SLC35F1: variants seen among roughly 807,000 people sequenced by gnomAD.
The protein encoded by SLC35F1 is solute carrier family 35 member F1.
In SLC35F1, 14 loss-of-function variants were observed where a neutral mutation model predicts 48.7. That is an observed-to-expected ratio of 0.29 (90% CI 0.19 to 0.45). The LOEUF (loss-of-function observed/expected upper bound fraction) is 0.45. Ranked by LOEUF, SLC35F1 falls within the 20% of genes least tolerant of loss-of-function variation. The probability of loss-of-function intolerance (pLI) is 1.00; values close to 1 mark genes in which losing one functional copy is unlikely to be tolerated. For missense variants in SLC35F1, 404 were observed against 500.0 expected, an observed-to-expected ratio of 0.81 and a Z score of 1.83; for synonymous variants, 190 against 202.2, an observed-to-expected ratio of 0.94 and a Z score of 0.51.
intron 1 of SLC35F1, among the ~76,000 whole-genome samples, chr6:117,926,761 A>G (rs1472461831): frequency 6.6e-6 from 1 of 152,106 alleles, no homozygotes; most frequent in Non-Finnish European, 1.5e-5. Flanking sequence ...TTTTGTCTTA[A>G]GAGCACTAAG....
chr6:118,314,303 C>A lies in SLC35F1; in HGVS notation c.*51C>A. The A allele has an allele frequency of 6.5e-7, 1 of 1,526,766 alleles. No homozygotes were observed. The highest frequency in any genetic ancestry group is 9.1e-7 in the Non-Finnish European group (1 of 1,102,900). The allele number at this position is 1,526,766 out of a possible 1,614,324, so 94.6% of individuals were successfully genotyped here. On this transcript the variant is annotated 3_prime_UTR_variant, in exon 8 of 8. Coordinates refer to ENST00000360388, the MANE Select transcript of SLC35F1 (RefSeq NM_001029858.4). ...GCCAACTCATTGGCCATGTTTTTGC[C>A]CATCATCTCTGTATTGTACATAGAG...
Position 117,923,785 on chromosome 6 carries a change from A to G in SLC35F1, c.173+15886A>G, listed in dbSNP as rs1260878118. Among the ~76,000 whole-genome samples, 2 of 78,920 alleles carry G rather than the reference A, an allele frequency of 2.5e-5. 1 individual carries two copies. The highest frequency in any genetic ancestry group is 2.2e-4 in the Admixed American group (2 of 9,112). The allele number at this position is 78,920 out of a possible 152,430, so 51.8% of individuals were successfully genotyped here. A position where few individuals can be genotyped will look rare whatever the true frequency, so the allele number is the denominator to read the frequency against. ...TATGCACATACATATGTATATATAC[A>G]TATATGTACATATATACATATACAC... is the stretch of plus-strand genomic sequence containing the variant. On this transcript the variant is annotated intron_variant, in intron 1 of 7. Transcript: ENST00000360388.
chr6:117,924,927 CAGA>C (rs1186428115), intron 1 of SLC35F1, among the ~76,000 whole-genome samples: 9 of 152,040 alleles, frequency 5.9e-5, no homozygotes, highest in Admixed American at 2.0e-4. Context: ...AGCATGTCTG[CAGA>C]AGAAGATGAT....
intron 1 of SLC35F1, among the ~76,000 whole-genome samples, chr6:118,096,624 G>A (rs1031374700): frequency 2.6e-5 from 4 of 152,114 alleles, no homozygotes; most frequent in Admixed American, 1.3e-4. Context: ...TTGACTGCCA[G>A]AGATCACACT....
chr6:118,217,650 A>T (rs934789459), intron 2 of SLC35F1, among the ~76,000 whole-genome samples: 9 of 152,166 alleles, frequency 5.9e-5, no homozygotes, highest in Admixed American at 4.6e-4. Context: ...TACCACATGG[A>T]AAAAACAATA....
chr6:118,276,909 A>C (rs183335766), intron 5 of SLC35F1, among the ~76,000 whole-genome samples: 1 of 152,086 alleles, frequency 6.6e-6, no homozygotes, highest in Non-Finnish European at 1.5e-5. Context: ...TACCAATGCC[A>C]CCTCCCCATT....
intron 2 of SLC35F1, among the ~76,000 whole-genome samples, chr6:118,158,826 C>T (rs552149643): frequency 5.3e-5 from 8 of 152,150 alleles, no homozygotes; most frequent in Non-Finnish European, 1.0e-4. Flanking sequence ...TACTATCTTC[C>T]TTACAAAATA....
intron 1 of SLC35F1, among the ~76,000 whole-genome samples, chr6:117,929,214 G>A (rs7763925): frequency 0.22 from 33,025 of 151,114 alleles, 3,997 homozygotes; most frequent in African/African-American, 0.32. Flanking sequence ...TTAGTTTGTC[G>A]AGGAGATGGA....
intron 1 of SLC35F1, among the ~76,000 whole-genome samples, chr6:117,969,538 A>G (rs944285287): frequency 6.6e-6 from 1 of 152,210 alleles, no homozygotes; most frequent in African/African-American, 2.4e-5. Flanking sequence ...CTCAGGCAAC[A>G]TAGTGAGACT....
intron 1 of SLC35F1, chr6:117,999,237 G>A: frequency 3.1e-6 from 5 of 1,596,506 alleles, no homozygotes; most frequent in Non-Finnish European, 4.2e-6. Context: ...ATCCCAAAGG[G>A]AGTCAGCTGC....
chr6:118,112,731 C>G (rs917808743), intron 1 of SLC35F1, among the ~76,000 whole-genome samples: 82 of 152,124 alleles, frequency 5.4e-4, no homozygotes, highest in African/African-American at 1.9e-3. Context: ...AATTGATATA[C>G]TAAGAGAGGA....
chr6:118,242,156 A>G (rs1380403744), intron 3 of SLC35F1, among the ~76,000 whole-genome samples: 4 of 152,352 alleles, frequency 2.6e-5, no homozygotes, highest in Admixed American at 6.5e-5. Flanking sequence ...GCTAATTCCC[A>G]TAGCAGCTGT....
At chr6:118,104,869 A>G (rs937648738) in intron 1 of SLC35F1, among the ~76,000 whole-genome samples, 9 of 152,058 alleles carry the variant, frequency 5.9e-5, no homozygotes, top group African/African-American at 9.7e-5. Context: ...TCAGGTGTCT[A>G]CTGTGACCAT....
chr6:118,001,112 A>G (rs1777086629), intron 1 of SLC35F1, among the ~76,000 whole-genome samples: 2 of 152,196 alleles, frequency 1.3e-5, no homozygotes, highest in Non-Finnish European at 1.5e-5. Flanking sequence ...TAAAGTTCAT[A>G]TGGAACCAAA....
intron 2 of SLC35F1, among the ~76,000 whole-genome samples, chr6:118,234,464 G>A (rs1775336220): frequency 6.6e-6 from 1 of 152,140 alleles, no homozygotes; most frequent in African/African-American, 2.4e-5. Context: ...CCCACCCACA[G>A]CCATGTGAGT....
intron 3 of SLC35F1, among the ~76,000 whole-genome samples, chr6:118,257,628 G>A (rs1775663158): frequency 1.3e-5 from 2 of 152,140 alleles, no homozygotes; most frequent in Admixed American, 1.3e-4. Context: ...TTAAATCCAA[G>A]AAGAGAGGAA....
Position 117,966,138 on chromosome 6 carries a change from C to CG in SLC35F1, c.173+58239_173+58240insG, listed in dbSNP as rs200263827. Among the ~76,000 whole-genome samples, 4 of 142,592 alleles carry CG rather than the reference C, an allele frequency of 2.8e-5. 1 individual carries two copies. The highest frequency in any genetic ancestry group is 6.8e-5 in the Admixed American group (1 of 14,742). 93.5% of individuals were successfully genotyped at this position (142,592 alleles called of 152,430 possible). On this transcript the variant is annotated intron_variant, in intron 1 of 7. Transcript: ENST00000360388. Reference sequence around the variant, plus strand: ...GAATAAAAGCAGGCCACCGCCCCCCCCCCCACTCCCGCCCCGCCCCAAGCA... The same window carrying CG: ...GAATAAAAGCAGGCCACCGCCCCCCCGCCCCACTCCCGCCCCGCCCCAAGCA...
At chr6:118,207,381 A>G (rs796426303) in intron 2 of SLC35F1, among the ~76,000 whole-genome samples, 8 of 152,358 alleles carry the variant, frequency 5.3e-5, no homozygotes, top group African/African-American at 1.7e-4. Context: ...GAATATTTGT[A>G]TGTAATAAAT....
chr6:118,150,549 G>T (rs947028820), intron 1 of SLC35F1, among the ~76,000 whole-genome samples: 2 of 152,136 alleles, frequency 1.3e-5, no homozygotes, highest in African/African-American at 2.4e-5. Context: ...TTATAGAACT[G>T]CAGGAATCCA....
Sources: gnomAD v4.1 joint callset for allele counts (sites outside exome capture counted in the v4.1 genomes callset) on GRCh38, gnomAD v4.1.1 for gene constraint, MANE v1.5 for transcripts, NCBI Gene and HGNC (gene_info 2026-07-23, HGNC 2026-07-21) for gene names.